The following FHIT variants were observed in gnomAD, a reference collection of about 807,000 sequenced individuals.
FHIT encodes the protein fragile histidine triad diadenosine triphosphatase.
In FHIT, 19 loss-of-function variants were observed where a neutral mutation model predicts 17.9. That is an observed-to-expected ratio of 1.06 (90% confidence interval 0.74 to 1.56). FHIT has a LOEUF of 1.56. Among genes scored for constraint, FHIT ranks in the 40% most tolerant of loss-of-function variants. FHIT has a pLI of 0.00. For missense variants in FHIT, 248 were observed against 189.2 expected, an observed-to-expected ratio of 1.31 and a Z score of -1.82; for synonymous variants, 81 against 69.7, an observed-to-expected ratio of 1.16 and a Z score of -0.81.
intron 5 of FHIT, among the ~76,000 whole-genome samples, chr3:60,285,639 A>T (rs1435607459): frequency 6.6e-6 from 1 of 152,158 alleles, no homozygotes; most frequent in Non-Finnish European, 1.5e-5. Flanking sequence ...TTAGGAAATC[A>T]TCTTGGGTGG....
chr3:61,217,502 T>C (rs2039718456), intron 1 of FHIT, among the ~76,000 whole-genome samples: 2 of 152,190 alleles, frequency 1.3e-5, no homozygotes, highest in South Asian at 2.1e-4. Context: ...AGACGAGTTC[T>C]GAGAGAAGCT....
intron 4 of FHIT, among the ~76,000 whole-genome samples, chr3:60,720,161 T>G (rs2041777541): frequency 1.3e-5 from 2 of 152,172 alleles, no homozygotes; most frequent in Non-Finnish European, 1.5e-5. Flanking sequence ...TTTTTTCCAC[T>G]CCTTGAACTA....
At chr3:59,788,970 A>G (rs1466707899) in intron 8 of FHIT, among the ~76,000 whole-genome samples, 3 of 145,888 alleles carry the variant, frequency 2.1e-5, no homozygotes, top group Non-Finnish European at 4.5e-5. Flanking sequence ...TAAGAAGATT[A>G]TGCACATAAA....
intron 5 of FHIT, among the ~76,000 whole-genome samples, chr3:60,425,491 A>G (rs1702628568): frequency 6.6e-6 from 1 of 152,104 alleles, no homozygotes; most frequent in African/African-American, 2.4e-5. Flanking sequence ...ATGATACACA[A>G]TTTAACTATA....
intron 5 of FHIT, among the ~76,000 whole-genome samples, chr3:60,490,241 T>C (rs2034006243): frequency 6.6e-6 from 1 of 152,112 alleles, no homozygotes; most frequent in Admixed American, 6.6e-5. Context: ...TCATCTAATA[T>C]TTTCATAACA....
intron 1 of FHIT, among the ~76,000 whole-genome samples, chr3:61,228,947 T>C (rs2040034448): frequency 6.6e-6 from 1 of 152,170 alleles, no homozygotes; most frequent in Middle Eastern, 3.2e-3. Flanking sequence ...AGAAAGCCAG[T>C]CTTTTCTTAC....
intron 7 of FHIT, among the ~76,000 whole-genome samples, chr3:59,955,984 T>G (rs1174843841): frequency 6.6e-6 from 1 of 152,206 alleles, no homozygotes; most frequent in South Asian, 2.1e-4. Flanking sequence ...CTCTTGTTCA[T>G]AGAATAAAGG....
intron 4 of FHIT, among the ~76,000 whole-genome samples, chr3:60,790,938 T>C (rs1453740560): frequency 1.3e-5 from 2 of 152,236 alleles, no homozygotes; most frequent in African/African-American, 4.8e-5. Context: ...CTGTACTTTC[T>C]GCTCAGTTTT....
intron 7 of FHIT, among the ~76,000 whole-genome samples, chr3:59,996,614 T>C (rs1368124523): frequency 6.6e-6 from 1 of 152,012 alleles, no homozygotes; most frequent in African/African-American, 2.4e-5. Context: ...CTAATTCTCA[T>C]CCCCAAAGAG....
intron 1 of FHIT, among the ~76,000 whole-genome samples, chr3:61,236,314 C>T (rs976329686): frequency 6.6e-6 from 1 of 150,380 alleles, no homozygotes; most frequent in African/African-American, 2.4e-5. Context: ...AACACAGCAT[C>T]ATTATTCAAT....
intron 3 of FHIT, among the ~76,000 whole-genome samples, chr3:60,963,339 G>C (rs1405654493): frequency 6.6e-6 from 1 of 151,996 alleles, no homozygotes; most frequent in Non-Finnish European, 1.5e-5. Context: ...TATTAGTCTT[G>C]CTAGTGGTCT....
chr3:60,606,283 C>A (rs2038606498), intron 4 of FHIT, among the ~76,000 whole-genome samples: 1 of 151,638 alleles, frequency 6.6e-6, no homozygotes, highest in Non-Finnish European at 1.5e-5. Context: ...TTCTGTCACC[C>A]AGGCTGGAGT....
intron 5 of FHIT, among the ~76,000 whole-genome samples, chr3:60,443,833 T>A (rs907732189): frequency 1.3e-5 from 2 of 152,014 alleles, no homozygotes; most frequent in African/African-American, 4.8e-5. Context: ...AAAGCCAAAA[T>A]TGACAAATGG....
intron 5 of FHIT, chr3:60,077,481 C>T (rs557314947): frequency 6.6e-6 from 1 of 151,410 alleles, no homozygotes; most frequent in African/African-American, 2.4e-5. Context: ...AGGACAGGAA[C>T]AAGATGAGAT....
At chr3:59,918,214 C>T (rs536534182) in intron 8 of FHIT, among the ~76,000 whole-genome samples, 11 of 151,270 alleles carry the variant, frequency 7.3e-5, no homozygotes, top group Non-Finnish European at 1.3e-4. Context: ...AGTTCAACAC[C>T]TTGTTTTTTT....
At chr3:60,337,209 G>A (rs1044651373) in intron 5 of FHIT, among the ~76,000 whole-genome samples, 3 of 151,866 alleles carry the variant, frequency 2.0e-5, no homozygotes, top group Non-Finnish European at 2.9e-5. Flanking sequence ...CTTTTTTATC[G>A]AAAGGTAGGA....
chr3:59,793,305 G>C (rs145744298), intron 8 of FHIT, among the ~76,000 whole-genome samples: 69 of 152,248 alleles, frequency 4.5e-4, no homozygotes, highest in African/African-American at 1.7e-3. Flanking sequence ...TAATGAAGCA[G>C]CCTGTTTTTC....
intron 3 of FHIT, among the ~76,000 whole-genome samples, chr3:60,896,038 G>A (rs72889145): frequency 0.029 from 4,431 of 151,980 alleles, 213 homozygotes; most frequent in African/African-American, 0.1. Flanking sequence ...CCTGATCTCC[G>A]CCTCCTGTCA....
At chr3:59,988,261 G>T (rs1051444158) in intron 7 of FHIT, among the ~76,000 whole-genome samples, 2 of 151,994 alleles carry the variant, frequency 1.3e-5, no homozygotes, top group African/African-American at 4.8e-5. Context: ...TAAAATATCT[G>T]ATTTTACCTT....
Sources: gnomAD v4.1 joint callset for allele counts (sites outside exome capture counted in the v4.1 genomes callset) on GRCh38, gnomAD v4.1.1 for gene constraint, MANE v1.5 for transcripts, NCBI Gene and HGNC (gene_info 2026-07-23, HGNC 2026-07-21) for gene names.